LURAP1L: variants seen among roughly 807,000 people sequenced by gnomAD.
LURAP1L encodes the protein leucine rich adaptor protein 1-like.
In LURAP1L, 12 loss-of-function variants were observed where a neutral mutation model predicts 13.8. That is an observed-to-expected ratio of 0.87 (90% confidence interval 0.56 to 1.41). The LOEUF (loss-of-function observed/expected upper bound fraction) is 1.41, where lower values mean the gene tolerates loss of function less well. LURAP1L is among the 40% of genes most tolerant of loss of function. The pLI is 0.00. For synonymous variants in LURAP1L, 139 were observed against 119.2 expected, an observed-to-expected ratio of 1.17 and a Z score of -1.08; for missense variants, 375 against 292.9, an observed-to-expected ratio of 1.28 and a Z score of -2.04.
At chr9:12,785,661 A>G (rs956368666) in intron 1 of LURAP1L, among the ~76,000 whole-genome samples, 2 of 152,120 alleles carry the variant, frequency 1.3e-5, no homozygotes, top group African/African-American at 4.8e-5. Flanking sequence ...TTCCAATGCA[A>G]AGTCCCATAA....
At chr9:12,778,153 G>A (rs1292734458) in intron 1 of LURAP1L, among the ~76,000 whole-genome samples, 9 of 152,100 alleles carry the variant, frequency 5.9e-5, no homozygotes, top group Non-Finnish European at 1.2e-4. Context: ...TGGAAGCTTC[G>A]TAAGCTTTGA....
At chr9:12,776,796 T>C (rs564645453) in intron 1 of LURAP1L, among the ~76,000 whole-genome samples, 54 of 152,198 alleles carry the variant, frequency 3.5e-4, no homozygotes, top group South Asian at 1.5e-3. Context: ...TGCCTGAGCA[T>C]AGGACAATGA....
chr9:12,820,297 G>C (rs563101195), intron 1 of LURAP1L, among the ~76,000 whole-genome samples: 1 of 152,158 alleles, frequency 6.6e-6, no homozygotes, highest in East Asian at 1.9e-4. Flanking sequence ...GCGGTCAAGA[G>C]TTTGAGACCA....
intron 1 of LURAP1L, among the ~76,000 whole-genome samples, chr9:12,812,649 A>C (rs1346365400): frequency 1.3e-5 from 2 of 152,210 alleles, no homozygotes; most frequent in East Asian, 1.9e-4. Context: ...TCAAGAAATT[A>C]CTAAAAGAGA....
At chr9:12,787,072 C>G (rs1819365968) in intron 1 of LURAP1L, among the ~76,000 whole-genome samples, 1 of 152,026 alleles carries the variant, frequency 6.6e-6, no homozygotes, top group Non-Finnish European at 1.5e-5. Flanking sequence ...TAAAATGATA[C>G]ATATTATTGC....
intron 1 of LURAP1L, among the ~76,000 whole-genome samples, chr9:12,780,989 G>T (rs1364017971): frequency 6.6e-6 from 1 of 151,914 alleles, no homozygotes; most frequent in African/African-American, 2.4e-5. Context: ...TTTATTATTT[G>T]AGATGGAGTT....
intron 1 of LURAP1L, among the ~76,000 whole-genome samples, chr9:12,776,278 A>G (rs1159851893): frequency 1.3e-5 from 2 of 152,062 alleles, no homozygotes; most frequent in African/African-American, 2.4e-5. Context: ...CACTCTGTGT[A>G]CTTTCGGACA....
At chr9:12,815,774 T>C (rs531712011) in intron 1 of LURAP1L, among the ~76,000 whole-genome samples, 9 of 152,210 alleles carry the variant, frequency 5.9e-5, no homozygotes, top group Non-Finnish European at 1.0e-4. Context: ...ATTTGGAAGA[T>C]ATATTCAGCA....
intron 1 of LURAP1L, among the ~76,000 whole-genome samples, chr9:12,810,299 CAGTT>C (rs1819719092): frequency 6.6e-6 from 1 of 152,168 alleles, no homozygotes; most frequent in Non-Finnish European, 1.5e-5. Context: ...TCACCAATGA[CAGTT>C]AGTGTTCCTA....
At position 12,787,273 on chromosome 9, in the gene LURAP1L, A is replaced by G. The variant is rs181488973; in HGVS notation, c.312+11246A>G. Among the ~76,000 whole-genome samples, 849 of 152,192 alleles carry G rather than the reference A, an allele frequency of 5.6e-3. 8 individuals are homozygous for G. Among genetic ancestry groups the G allele is most frequent in the African/African-American group, 0.019 (793 of 41,512 alleles). On this transcript the variant is annotated intron_variant, in intron 1 of 1. Coordinates refer to ENST00000319264, the MANE Select transcript of LURAP1L (RefSeq NM_203403.2). ...TGTAATGATAGACATATAATTGTGT[A>G]GGTTTAAATTTTAAAATTGAAATTC...
chr9:12,818,959 T>C (rs1311628434), intron 1 of LURAP1L, among the ~76,000 whole-genome samples: 6 of 152,206 alleles, frequency 3.9e-5, no homozygotes, highest in Admixed American at 3.9e-4. Context: ...TCAGTGGACC[T>C]AGGCAAATTG....
chr9:12,808,049 A>C, intron 1 of LURAP1L, among the ~76,000 whole-genome samples: 1 of 152,120 alleles, frequency 6.6e-6, no homozygotes, highest in East Asian at 1.9e-4. Context: ...TCATTCACAA[A>C]TAAGCTATAA....
intron 1 of LURAP1L, among the ~76,000 whole-genome samples, chr9:12,787,496 C>T (rs1329584869): frequency 6.6e-6 from 1 of 152,000 alleles, no homozygotes; most frequent in Admixed American, 6.6e-5. Context: ...CAGTAATCTC[C>T]AGAAACAGGC....
chr9:12,792,049 G>C (rs538138584), intron 1 of LURAP1L, among the ~76,000 whole-genome samples: 1 of 152,172 alleles, frequency 6.6e-6, no homozygotes, highest in Non-Finnish European at 1.5e-5. Flanking sequence ...GGGTTGATTA[G>C]AAGAACATGC....
At position 12,821,633 on chromosome 9, in the gene LURAP1L, C is replaced by A. The variant is rs1056908942; in HGVS notation, c.560C>A (p.Ala187Glu). 6.2e-7 allele frequency: 1 copy of A among 1,614,062 alleles called. No individual in the cohort carries two copies. The change falls in exon 2 of 2, where the codon GCG becomes GAG. Residue 187 changes from alanine to glutamate, a missense_variant. By Grantham distance (107) the Ala-to-Glu change is moderately radical. Coordinates refer to ENST00000319264, the MANE Select transcript of LURAP1L (RefSeq NM_203403.2). ...ISVGSYLDTLADDVPGHQTPS... is the reference protein window; with the variant it reads ...ISVGSYLDTLEDDVPGHQTPS... ...GTGGGAAGTTATCTGGACACGTTGG[C>A]GGATGATGTCCCAGGCCATCAGACC...
Position 12,775,621 on chromosome 9 carries a change from C to T in LURAP1L, c.-95C>T, listed in dbSNP as rs1819159826. 6.8e-7 allele frequency: 1 copy of T among 1,479,140 alleles called. No homozygotes were observed. Among genetic ancestry groups the T allele is most frequent in the Non-Finnish European group, 9.0e-7 (1 of 1,117,304 alleles). The allele number at this position is 1,479,140 out of a possible 1,614,324, so 91.6% of individuals were successfully genotyped here. On this transcript the variant is annotated 5_prime_UTR_variant, in exon 1 of 2. Transcript: ENST00000319264. ...CGGCGGAGGATAGAGACCCTGGCCC[C>T]CGGAGAGGTCTGCTGATTTCGCAGC...
At chr9:12,789,113 A>G (rs1586877722) in intron 1 of LURAP1L, among the ~76,000 whole-genome samples, 1 of 151,820 alleles carries the variant, frequency 6.6e-6, no homozygotes, top group African/African-American at 2.4e-5. Context: ...AAAGAAAAGA[A>G]AAAATATTGA....
chr9:12,796,292 A>G (rs1398680682), intron 1 of LURAP1L, among the ~76,000 whole-genome samples: 1 of 152,062 alleles, frequency 6.6e-6, no homozygotes, highest in Non-Finnish European at 1.5e-5. Context: ...GACCAAAAAA[A>G]CACCATTGCA....
chr9:12,792,649 C>T lies in LURAP1L; in HGVS notation c.312+16622C>T, dbSNP rs530080305. Among the ~76,000 whole-genome samples, 36 of 152,096 alleles carry T rather than the reference C, an allele frequency of 2.4e-4. 1 individual carries two copies. The South Asian group carries it at 5.0e-3, about 21-fold the overall frequency. On this transcript the variant is annotated intron_variant, in intron 1 of 1. Transcript: ENST00000319264. ...ACTATGCTATCACTATTATCATAAA[C>T]GACATTAGATTTACTTTTTTAAAAT...
Sources: allele counts gnomAD v4.1 joint callset (sites outside exome capture counted in the v4.1 genomes callset), GRCh38; gene constraint gnomAD v4.1.1; transcripts MANE v1.5; gene names NCBI Gene and HGNC (gene_info 2026-07-23, HGNC 2026-07-21).